The following LAMA4 variants were observed in gnomAD, a reference collection of about 807,000 sequenced individuals.
LAMA4 encodes laminin subunit alpha 4, also known as laminin subunit alpha-4.
A neutral mutation model predicts 207.1 loss-of-function variants in LAMA4; 127 were observed. The ratio of observed to expected loss-of-function variants is 0.61; its 90% CI spans 0.53 to 0.71. The LOEUF is 0.71. Ranked by LOEUF, LAMA4 falls within the 30% of genes least tolerant of loss-of-function variation. LAMA4 has a pLI of 0.00. For synonymous variants in LAMA4, 761 were observed against 816.0 expected (o/e 0.93, Z 1.15); for missense variants, 2,093 against 2,246.5 (o/e 0.93, Z 1.38).
intron 6 of LAMA4, among the ~76,000 whole-genome samples, chr6:112,191,222 T>C (rs1458950942): frequency 2.0e-5 from 3 of 151,928 alleles, no homozygotes; most frequent in African/African-American, 4.8e-5. Context: ...CCTCAAGCCA[T>C]CCACCCACCT....
At position 112,207,024 on chromosome 6, in the gene LAMA4, G is replaced by A. The variant is rs781969448; in HGVS notation, c.419C>T (p.Ala140Val). The change falls in exon 4 of 39, where the codon GCC becomes GTC. Residue 140 changes from alanine to valine, a missense_variant. Transcript: ENST00000230538. ...QPCPCPLPHL[A>V]NFAESCYRKN... ...ACCATCCTCCTTTAGGACTTACTTG[G>A]CCAAGTGGGGCAGGGGACAGGGGCA... 3.1e-6 allele frequency: 5 copies of A among 1,613,782 alleles called. No individual in the cohort carries two copies. In the South Asian group the frequency reaches 4.4e-5, roughly 14 times the overall value.
chr6:112,129,993 G>T lies in LAMA4; in HGVS notation c.4016C>A (p.Thr1339Asn), dbSNP rs1554329109. The T allele has an allele frequency of 6.2e-7, 1 of 1,613,014 alleles. No homozygotes were observed. The highest frequency in any genetic ancestry group is 2.2e-5 in the East Asian group (1 of 44,862). ...TTGTGTCTGTTCTATTTTCCCTTTG[G>T]TAGGATTCTTACTCCCAACTCTGCT... ...DKSRVGSKNP[T>N]KGKIEQTQAS... Residue 1339 changes from threonine to asparagine, a missense_variant, in exon 30 of 39, where the codon ACC becomes AAC. Transcript: ENST00000230538.
chr6:112,241,749 AG>A (rs1251196996), intron 2 of LAMA4, among the ~76,000 whole-genome samples: 2 of 152,208 alleles, frequency 1.3e-5, no homozygotes, highest in African/African-American at 2.4e-5. Flanking sequence ...TGGAGTCTGC[AG>A]GGAGAATGGG....
At chr6:112,143,024 A>G (rs528617240) in intron 19 of LAMA4, among the ~76,000 whole-genome samples, 41 of 152,314 alleles carry the variant, frequency 2.7e-4, no homozygotes, top group Non-Finnish European at 1.0e-4. Context: ...AACAAAGCAC[A>G]ATTCAGTAAG....
At chr6:112,178,493 G>A (rs1554344548) in intron 9 of LAMA4, 2 of 434,270 alleles carry the variant, frequency 4.6e-6, no homozygotes, top group African/African-American at 2.0e-5. Flanking sequence ...AAGTTCTTTA[G>A]TGGTGATTTG....
intron 9 of LAMA4, chr6:112,180,022 C>T: frequency 2.2e-6 from 1 of 445,462 alleles, no homozygotes; most frequent in South Asian, 1.7e-5. Flanking sequence ...CTTAATATTA[C>T]TCCTCCCTGC....
intron 8 of LAMA4, chr6:112,186,921 C>A: frequency 2.2e-6 from 1 of 454,630 alleles, no homozygotes; most frequent in East Asian, 7.0e-5. Context: ...TGAGGAGAAA[C>A]AAGGTGTGTG....
intron 25 of LAMA4, among the ~76,000 whole-genome samples, chr6:112,135,002 T>C (rs782194343): frequency 6.6e-6 from 1 of 152,192 alleles, no homozygotes; most frequent in East Asian, 1.9e-4. Flanking sequence ...ACATATTTTA[T>C]GTATACAATT....
chr6:112,174,674 G>T (rs1393036426), intron 11 of LAMA4, among the ~76,000 whole-genome samples: 1 of 152,060 alleles, frequency 6.6e-6, no homozygotes, highest in Non-Finnish European at 1.5e-5. Flanking sequence ...TGTATTTTTA[G>T]TAGAGATGGG....
intron 2 of LAMA4, among the ~76,000 whole-genome samples, chr6:112,231,661 T>C (rs919493009): frequency 3.3e-5 from 5 of 152,206 alleles, no homozygotes; most frequent in African/African-American, 1.2e-4. Flanking sequence ...CTTTGTGTAA[T>C]ATACACCAGC....
At chr6:112,243,258 G>C (rs1188473575) in intron 2 of LAMA4, among the ~76,000 whole-genome samples, 1 of 152,030 alleles carries the variant, frequency 6.6e-6, no homozygotes, top group East Asian at 1.9e-4. Flanking sequence ...CCCACATCTG[G>C]AGTTGTTAGG....
At chr6:112,147,772 G>A (rs552889119) in intron 18 of LAMA4, among the ~76,000 whole-genome samples, 50 of 152,276 alleles carry the variant, frequency 3.3e-4, no homozygotes, top group African/African-American at 9.6e-4. Flanking sequence ...CCTAGTAGAA[G>A]CAATGCCATT....
intron 5 of LAMA4, among the ~76,000 whole-genome samples, chr6:112,198,239 G>A (rs1035299626): frequency 6.6e-6 from 1 of 152,118 alleles, no homozygotes; most frequent in African/African-American, 2.4e-5. Context: ...GGAATCCAAA[G>A]TTTTCCTGGA....
chr6:112,115,921 A>C lies in LAMA4; in HGVS notation c.5054T>G (p.Leu1685Arg). The change falls in exon 36 of 39, where the codon CTG becomes CGG. Residue 1685 changes from leucine (L) to arginine (R), a missense_variant. Physicochemically the swap from Leu to Arg is moderately radical, Grantham distance 102. Transcript: ENST00000230538. ...EVRPRSSSGT[L>R]VHGHSVNGEY... Reference sequence around the variant, plus strand: ...CCCATTGACACTGTGGCCGTGGACCAGGGTTCCGGAACTGCTTCTGGGACG... The same window carrying C: ...CCCATTGACACTGTGGCCGTGGACCCGGGTTCCGGAACTGCTTCTGGGACG... 1 of 1,613,474 alleles carries C rather than the reference A, an allele frequency of 6.2e-7. No individual in the cohort carries two copies. Among genetic ancestry groups the C allele is most frequent in the South Asian group, 1.1e-5 (1 of 91,074 alleles).
At chr6:112,254,319 G>A in intron 1 of LAMA4, 28 bp from the exon 2 acceptor site, 1 of 744,922 alleles carries the variant, frequency 1.3e-6, no homozygotes. Context: ...AAGTGCGAGA[G>A]TAAGGGAGAG....
intron 31 of LAMA4, among the ~76,000 whole-genome samples, chr6:112,127,062 C>T (rs1460077397): frequency 1.3e-5 from 2 of 152,108 alleles, no homozygotes; most frequent in Non-Finnish European, 2.9e-5. Context: ...TAATTTCATG[C>T]ATTAACTCAT....
At chr6:112,150,760 C>T (rs1554335614) in intron 16 of LAMA4, 133 bp from the exon 17 acceptor site, 1 of 728,932 alleles carries the variant, frequency 1.4e-6, no homozygotes, top group Non-Finnish European at 2.5e-6. Context: ...ATACTCTGAA[C>T]ATAGATCAAC....
At chr6:112,214,133 A>G (rs1405939302) in intron 3 of LAMA4, 2 of 584,860 alleles carry the variant, frequency 3.4e-6, no homozygotes, top group Non-Finnish European at 6.3e-6. Context: ...GACACCACAG[A>G]CTTAACATAT....
chr6:112,169,350 A>C (rs1349200294), intron 12 of LAMA4, among the ~76,000 whole-genome samples: 2 of 152,170 alleles, frequency 1.3e-5, no homozygotes, highest in Non-Finnish European at 2.9e-5. Flanking sequence ...AGAAAATAGG[A>C]AAGGAAATTG....
Sources: gnomAD v4.1 joint callset for allele counts (sites outside exome capture counted in the v4.1 genomes callset) on GRCh38, gnomAD v4.1.1 for gene constraint, MANE v1.5 for transcripts, NCBI Gene and HGNC (gene_info 2026-07-23, HGNC 2026-07-21) for gene names.